RCOR3: variants seen among roughly 807,000 people sequenced by gnomAD.
RCOR3 encodes REST corepressor 3.
RCOR3 carries 13 observed loss-of-function variants against 64.1 expected under a neutral mutation model. The ratio of observed to expected loss-of-function variants is 0.20; its 90% CI spans 0.13 to 0.32. RCOR3 has a LOEUF of 0.32. RCOR3 is among the 10% of genes least tolerant of loss of function. RCOR3 has a pLI of 1.00. For missense variants in RCOR3, 489 were observed against 701.2 expected (o/e 0.70, Z 3.42); for synonymous variants, 215 against 239.0 (o/e 0.90, Z 0.93).
chr1:211,285,252 G>C (rs992636325), intron 7 of RCOR3, among the ~76,000 whole-genome samples: 5 of 152,092 alleles, frequency 3.3e-5, no homozygotes, highest in African/African-American at 1.2e-4. Context: ...TTTTCTGATC[G>C]TAAAGAGAAT....
chr1:211,286,192 A>G (rs185891946), intron 7 of RCOR3, among the ~76,000 whole-genome samples: 1 of 151,314 alleles, frequency 6.6e-6, no homozygotes, highest in Admixed American at 6.6e-5. Flanking sequence ...CTTCTATTCA[A>G]CTTGCTTTTC....
intron 10 of RCOR3, among the ~76,000 whole-genome samples, chr1:211,305,233 T>C (rs114206145): frequency 0.013 from 1,998 of 152,322 alleles, 24 homozygotes; most frequent in Non-Finnish European, 0.02. Flanking sequence ...CTTTGGCCTA[T>C]GCAGCATAGC....
rs1161884887 is a variant in RCOR3 at position 211,312,280 on chromosome 1, C to G, written c.1076-440C>G. On this transcript the variant is annotated intron_variant, in intron 10 of 11. Coordinates refer to ENST00000419091, the MANE Select transcript of RCOR3 (RefSeq NM_001136223.3). The surrounding 1 kb of genome is among the most constrained non-coding windows in gnomAD (Gnocchi z 5.0). ...TGGGGGAACCCTAAGGCTACTCACT[C>G]AGTCCATTGAGGGGATAAGAGAGAT... The G allele has an allele frequency of 2.3e-6, 1 of 435,338 alleles. No individual in the cohort carries two copies. The highest frequency in any genetic ancestry group is 4.7e-6 in the Non-Finnish European group (1 of 211,244). The allele number at this position is 435,338 out of a possible 1,614,324, so 27.0% of individuals were successfully genotyped here. A position where few individuals can be genotyped will look rare whatever the true frequency, so the allele number is the denominator to read the frequency against.
In RCOR3 at chr1:211,315,041, AATC is replaced by A. The variant is rs1289488497; in HGVS notation, c.*1276_*1278del. The A allele has an allele frequency of 6.6e-6, 1 of 152,234 alleles. No homozygotes were observed. The highest frequency in any genetic ancestry group is 1.5e-5 in the Non-Finnish European group (1 of 68,030). 9.4% of individuals were successfully genotyped at this position (152,234 alleles called of 1,614,324 possible). The stretch of plus-strand genomic sequence containing the variant: ...ATCAAGTCTTCTTAATTCAACCCAT[AATC>A]ATTAAGTACTTAACAAAGAATATTT... On this transcript the variant is annotated 3_prime_UTR_variant, in exon 12 of 12. Transcript: ENST00000419091.
At chr1:211,294,121 T>A (rs541340182) in intron 8 of RCOR3, among the ~76,000 whole-genome samples, 4 of 152,344 alleles carry the variant, frequency 2.6e-5, no homozygotes, top group African/African-American at 9.6e-5. Context: ...TGGAAAAATT[T>A]GAGCATAACA....
At chr1:211,273,269 AG>A in intron 3 of RCOR3, among the ~76,000 whole-genome samples, 1 of 152,312 alleles carries the variant, frequency 6.6e-6, no homozygotes, top group African/African-American at 2.4e-5. Context: ...ATTTAATCAT[AG>A]GAGGAAGGTA....
chr1:211,286,218 T>G (rs1209943069), intron 7 of RCOR3, among the ~76,000 whole-genome samples: 1 of 152,158 alleles, frequency 6.6e-6, no homozygotes, highest in Non-Finnish European at 1.5e-5. Context: ...CTTCTTTCCC[T>G]TCATTCGTGT....
At position 211,312,771 on chromosome 1, in the gene RCOR3, A is replaced by G; in HGVS notation, c.1127A>G (p.Asn376Ser). The change falls in exon 11 of 12, where the codon AAC becomes AGC. Residue 376 changes from asparagine to serine, a missense_variant. By Grantham distance (46) the Asn-to-Ser change is conservative (BLOSUM62 1). Around this residue, in one of 2 missense-constraint regions of RCOR3, gnomAD observed 402 missense variants for 617.0 expected, o/e 0.65. Transcript: ENST00000419091. This position sits in a 1 kb window ranked among gnomAD's most constrained non-coding sequence, Gnocchi z 5.0. ...CAAGCTATTGCAGATGTAATTGGCA[A>G]CAAGACTGTTGGCCAAGTGAAGAAC... ...DFQAIADVIG[N>S]KTVGQVKNFF... 1 of 1,614,240 alleles carries G rather than the reference A, an allele frequency of 6.2e-7. No individual in the cohort carries two copies. Among genetic ancestry groups the G allele is most frequent in the Non-Finnish European group, 8.5e-7 (1 of 1,180,050 alleles).
At chr1:211,297,914 A>G (rs1388094440) in intron 9 of RCOR3, among the ~76,000 whole-genome samples, 2 of 152,240 alleles carry the variant, frequency 1.3e-5, no homozygotes, top group Non-Finnish European at 2.9e-5. Context: ...TGGAATAATT[A>G]CAATAAGCCA....
rs1183898235 is a variant in RCOR3 at position 211,313,861 on chromosome 1, C to G, written c.*93C>G. 5 of 1,182,860 alleles carry G rather than the reference C, an allele frequency of 4.2e-6. No homozygotes were observed. Among genetic ancestry groups the G allele is most frequent in the Non-Finnish European group, 5.9e-6 (5 of 843,322 alleles). The allele number at this position is 1,182,860 out of a possible 1,614,324, so 73.3% of individuals were successfully genotyped here. A position where few individuals can be genotyped will look rare whatever the true frequency, so the allele number is the denominator to read the frequency against. On this transcript the variant is annotated 3_prime_UTR_variant, in exon 12 of 12. Transcript: ENST00000419091. The surrounding 1 kb of genome is among the most constrained non-coding windows in gnomAD (Gnocchi z 4.7). ...GAAAAAGAGGAAAGAATAATCATTT[C>G]TAGATACTGAGGCTGCGAACTAGTT... is the stretch of plus-strand genomic sequence containing the variant.
At chr1:211,284,904 A>G (rs1698322223) in intron 7 of RCOR3, among the ~76,000 whole-genome samples, 1 of 152,212 alleles carries the variant, frequency 6.6e-6, no homozygotes, top group South Asian at 2.1e-4. Flanking sequence ...GCTTACGCAT[A>G]TGCCTGGCTC....
intron 9 of RCOR3, among the ~76,000 whole-genome samples, chr1:211,296,331 G>T (rs968586016): frequency 7.8e-5 from 1 of 12,880 alleles, no homozygotes; most frequent in African/African-American, 1.3e-4. Flanking sequence ...GTAATTATAG[G>T]GGTACTTAAC....
intron 7 of RCOR3, among the ~76,000 whole-genome samples, chr1:211,284,147 G>A (rs991013393): frequency 2.6e-5 from 4 of 151,806 alleles, no homozygotes; most frequent in African/African-American, 7.2e-5. Flanking sequence ...CCTACCTGCC[G>A]TGTTCACGCC....
chr1:211,304,942 G>C (rs1700715526), intron 10 of RCOR3, among the ~76,000 whole-genome samples: 1 of 151,846 alleles, frequency 6.6e-6, no homozygotes, highest in Non-Finnish European at 1.5e-5. Context: ...TTTCTTCCTG[G>C]CTGAGCACCT....
At chr1:211,307,721 T>C (rs531300787) in intron 10 of RCOR3, among the ~76,000 whole-genome samples, 1 of 152,028 alleles carries the variant, frequency 6.6e-6, no homozygotes, top group South Asian at 2.1e-4. Flanking sequence ...CATTTCCTAG[T>C]CATTACTGCT....
chr1:211,272,199 G>C (rs1456897674), intron 3 of RCOR3, among the ~76,000 whole-genome samples: 1 of 152,154 alleles, frequency 6.6e-6, no homozygotes, highest in Non-Finnish European at 1.5e-5. Flanking sequence ...TGGTAATCTA[G>C]AAATTGTGTG....
intron 7 of RCOR3, 74 bp from the exon 8 acceptor site, chr1:211,289,101 CTAA>C: frequency 9.0e-7 from 1 of 1,105,940 alleles, no homozygotes. Flanking sequence ...GCAGATACTT[CTAA>C]TATTAATAGA....
chr1:211,299,506 T>C (rs1474808765), intron 9 of RCOR3, among the ~76,000 whole-genome samples: 1 of 152,196 alleles, frequency 6.6e-6, no homozygotes, highest in Non-Finnish European at 1.5e-5. Flanking sequence ...CATCCTTTCA[T>C]TATGGATGTT....
At chr1:211,307,803 G>C (rs1701004808) in intron 10 of RCOR3, among the ~76,000 whole-genome samples, 1 of 151,048 alleles carries the variant, frequency 6.6e-6, no homozygotes. Flanking sequence ...ATTGTATAAA[G>C]ATGTCAACTT....
Sources: gnomAD v4.1 joint callset for allele counts (sites outside exome capture counted in the v4.1 genomes callset) on GRCh38, gnomAD v4.1.1 for gene constraint, gnomAD v4.1.1 regional missense constraint, Gnocchi (gnomAD v3.1) non-coding constraint, MANE v1.5 for transcripts, NCBI Gene and HGNC (gene_info 2026-07-23, HGNC 2026-07-21) for gene names.